Variants in GFOD1 observed in about 807,000 individuals in gnomAD.
The protein encoded by GFOD1 is Gfo/Idh/MocA-like oxidoreductase domain containing 1, also known as glucose-fructose oxidoreductase domain-containing protein 1.
In GFOD1, 9 loss-of-function variants were observed where a neutral mutation model predicts 25.4. The observed-to-expected ratio is 0.35, with a 90% CI of 0.21 to 0.62. The LOEUF (loss-of-function observed/expected upper bound fraction) is 0.62, where lower values mean the gene tolerates loss of function less well. Ranked by LOEUF, GFOD1 falls within the 20% of genes least tolerant of loss-of-function variation. The pLI is 0.72. For missense variants in GFOD1, 403 were observed against 556.9 expected (o/e 0.72, Z 2.78); for synonymous variants, 253 against 245.6 (o/e 1.03, Z -0.28).
chr6:13,453,522 T>C (rs1193044093), intron 1 of GFOD1, among the ~76,000 whole-genome samples: 1 of 152,252 alleles, frequency 6.6e-6, no homozygotes, highest in Non-Finnish European at 1.5e-5. Context: ...TGAAGATACA[T>C]AAATCTAAAA....
intron 1 of GFOD1, among the ~76,000 whole-genome samples, chr6:13,415,164 C>T (rs562598940): frequency 2.0e-5 from 3 of 152,310 alleles, no homozygotes; most frequent in South Asian, 2.1e-4. Flanking sequence ...GGGGAGGACA[C>T]TTAAAATATT....
chr6:13,473,698 A>G (rs999233336), intron 1 of GFOD1, among the ~76,000 whole-genome samples: 5 of 152,200 alleles, frequency 3.3e-5, no homozygotes, highest in Admixed American at 2.6e-4. Flanking sequence ...TATATCATAG[A>G]GCCTCCCATG....
intron 1 of GFOD1, among the ~76,000 whole-genome samples, chr6:13,432,379 T>TTTA (rs1401284469): frequency 4.0e-4 from 60 of 151,464 alleles, no homozygotes; most frequent in Admixed American, 3.9e-4. Flanking sequence ...ATGGATAGTT[T>TTTA]TTATTATTAT....
At chr6:13,411,504 C>G (rs1469071869) in intron 1 of GFOD1, among the ~76,000 whole-genome samples, 3 of 152,002 alleles carry the variant, frequency 2.0e-5, no homozygotes, top group Non-Finnish European at 4.4e-5. Flanking sequence ...GTTAGCCAGG[C>G]TGGTCTCGAT....
At chr6:13,395,809 C>G (rs1409571198) in intron 1 of GFOD1, among the ~76,000 whole-genome samples, 1 of 152,198 alleles carries the variant, frequency 6.6e-6, no homozygotes, top group Non-Finnish European at 1.5e-5. Context: ...CCAGTTAGTT[C>G]CCAGCCATGA....
At chr6:13,451,635 G>A (rs1758100947) in intron 1 of GFOD1, among the ~76,000 whole-genome samples, 1 of 152,228 alleles carries the variant, frequency 6.6e-6, no homozygotes, top group Admixed American at 6.5e-5. Context: ...AGGCCAAGCA[G>A]CTTGCCTTGG....
chr6:13,419,445 T>C (rs1247500440), intron 1 of GFOD1, among the ~76,000 whole-genome samples: 1 of 152,120 alleles, frequency 6.6e-6, no homozygotes, highest in East Asian at 1.9e-4. Context: ...ACCGCCATCC[T>C]CTCTCTCCTG....
At chr6:13,369,944 T>C (rs1225513903) in intron 1 of GFOD1, among the ~76,000 whole-genome samples, 6 of 119,776 alleles carry the variant, frequency 5.0e-5, no homozygotes, top group Middle Eastern at 3.8e-3. Context: ...AGGATTATGA[T>C]TGATTTTATT....
intron 1 of GFOD1, among the ~76,000 whole-genome samples, chr6:13,484,236 C>T (rs1220774761): frequency 1.3e-5 from 2 of 148,860 alleles, no homozygotes; most frequent in African/African-American, 5.0e-5. Context: ...ACAGACCTGT[C>T]ACCCTCACTG....
At chr6:13,371,795 C>T (rs930914916) in intron 1 of GFOD1, among the ~76,000 whole-genome samples, 2 of 152,158 alleles carry the variant, frequency 1.3e-5, no homozygotes, top group African/African-American at 2.4e-5. Flanking sequence ...CTGCTGCATC[C>T]ATCCAGGACT....
At chr6:13,452,087 GA>G (rs1232678834) in intron 1 of GFOD1, among the ~76,000 whole-genome samples, 2 of 152,184 alleles carry the variant, frequency 1.3e-5, no homozygotes, top group Non-Finnish European at 2.9e-5. Context: ...GGCAAAGGAA[GA>G]AAACTCCTGG....
chr6:13,394,046 G>C (rs1785677030), intron 1 of GFOD1, among the ~76,000 whole-genome samples: 2 of 151,994 alleles, frequency 1.3e-5, no homozygotes, highest in Admixed American at 1.3e-4. Flanking sequence ...CAAAGTGCTG[G>C]GATTACAGGC....
At chr6:13,396,985 G>A (rs1785745334) in intron 1 of GFOD1, among the ~76,000 whole-genome samples, 1 of 152,202 alleles carries the variant, frequency 6.6e-6, no homozygotes, top group Non-Finnish European at 1.5e-5. Context: ...TTACCTCCCA[G>A]GAGGAAGGTA....
At chr6:13,478,456 A>G (rs764836074) in intron 1 of GFOD1, among the ~76,000 whole-genome samples, 3 of 152,218 alleles carry the variant, frequency 2.0e-5, no homozygotes, top group Non-Finnish European at 4.4e-5. Context: ...CATATTTGTA[A>G]TAACTTCCAC....
intron 1 of GFOD1, among the ~76,000 whole-genome samples, chr6:13,400,652 G>A (rs1785823731): frequency 6.6e-6 from 1 of 152,198 alleles, no homozygotes. Flanking sequence ...ACATAAAAGT[G>A]GGAGAATCTT....
At chr6:13,429,985 T>G (rs113742843) in intron 1 of GFOD1, among the ~76,000 whole-genome samples, 2,866 of 152,154 alleles carry the variant, frequency 0.019, 89 homozygotes, top group African/African-American at 0.065. Context: ...GATGAAGAAG[T>G]GAAATATATG....
intron 1 of GFOD1, among the ~76,000 whole-genome samples, chr6:13,368,237 C>T (rs1180945585): frequency 6.6e-6 from 1 of 152,220 alleles, no homozygotes. Context: ...GAGTGAAAAG[C>T]CTGGAGCCTA....
chr6:13,391,203 T>C (rs1425942825), intron 1 of GFOD1, among the ~76,000 whole-genome samples: 2 of 152,102 alleles, frequency 1.3e-5, no homozygotes, highest in Non-Finnish European at 2.9e-5. Context: ...AGGTGAGAAA[T>C]GGACTTCAAT....
At chr6:13,426,740 C>T (rs1786359702) in intron 1 of GFOD1, among the ~76,000 whole-genome samples, 1 of 152,164 alleles carries the variant, frequency 6.6e-6, no homozygotes, top group Non-Finnish European at 1.5e-5. Flanking sequence ...TAATGCAGGA[C>T]CTTATGAGCA....
Sources: allele counts gnomAD v4.1 joint callset (sites outside exome capture counted in the v4.1 genomes callset), GRCh38; gene constraint gnomAD v4.1.1; transcripts MANE v1.5; gene names NCBI Gene and HGNC (gene_info 2026-07-23, HGNC 2026-07-21).